The following RAB1A variants were observed in gnomAD, a reference collection of about 807,000 sequenced individuals.
RAB1A encodes the protein RAB1A, member RAS oncogene family, also known as ras-related protein Rab-1A.
In RAB1A, 2 loss-of-function variants were observed where a neutral mutation model predicts 26.0. The observed-to-expected ratio is 0.08, with a 90% CI of 0.03 to 0.24. RAB1A has a LOEUF of 0.24. RAB1A is among the 10% of genes least tolerant of loss of function. The pLI is 1.00. For synonymous variants in RAB1A, 84 were observed against 84.9 expected, an observed-to-expected ratio of 0.99 and a Z score of 0.06; for missense variants, 100 against 247.0, an observed-to-expected ratio of 0.40 and a Z score of 3.99.
chr2:65,106,333 C>T, intron 1 of RAB1A: 1 of 294,802 alleles, frequency 3.4e-6, no homozygotes, highest in South Asian at 2.6e-5. Context: ...CAAAAATATG[C>T]TAAAGTGAAA....
chr2:65,099,100 G>A (rs1669358843), intron 2 of RAB1A, among the ~76,000 whole-genome samples: 1 of 152,124 alleles, frequency 6.6e-6, no homozygotes, highest in South Asian at 2.1e-4. Flanking sequence ...GCCTCTCAAA[G>A]TGCTGGGATT....
chr2:65,114,142 T>C (rs1389411701), intron 1 of RAB1A: 3 of 469,064 alleles, frequency 6.4e-6, no homozygotes, highest in Non-Finnish European at 1.2e-5. Context: ...AAATTCTGGG[T>C]TAAATGAGAA....
intron 3 of RAB1A, among the ~76,000 whole-genome samples, chr2:65,093,647 G>A (rs1268441614): frequency 6.1e-5 from 9 of 147,058 alleles, no homozygotes; most frequent in African/African-American, 1.0e-4. Flanking sequence ...TTTTTCAGAC[G>A]GAGTCTCGCT....
intron 1 of RAB1A, among the ~76,000 whole-genome samples, chr2:65,120,077 T>C (rs1397091749): frequency 3.3e-5 from 5 of 152,018 alleles, no homozygotes; most frequent in Admixed American, 3.3e-4. Flanking sequence ...TTGTTTCAAA[T>C]GGCCTTTTAT....
intron 1 of RAB1A, among the ~76,000 whole-genome samples, chr2:65,127,172 GGAT>G (rs1450953733): frequency 7.0e-6 from 1 of 142,666 alleles, no homozygotes; most frequent in Non-Finnish European, 1.5e-5. Context: ...TCAAAAGAAA[GGAT>G]GATTTGACAC....
intron 1 of RAB1A, among the ~76,000 whole-genome samples, chr2:65,114,928 C>T (rs76149594): frequency 0.023 from 3,460 of 152,174 alleles, 52 homozygotes; most frequent in South Asian, 0.032. Flanking sequence ...AAGGGCTCTG[C>T]CCTCATGAAT....
At chr2:65,127,010 A>G (rs1034634603) in intron 1 of RAB1A, among the ~76,000 whole-genome samples, 12 of 152,196 alleles carry the variant, frequency 7.9e-5, no homozygotes, top group Non-Finnish European at 1.8e-4. Context: ...AGTAATTTTC[A>G]CTAACACTTT....
chr2:65,092,169 A>G (rs1036527664), intron 3 of RAB1A, among the ~76,000 whole-genome samples: 3 of 152,020 alleles, frequency 2.0e-5, no homozygotes, highest in African/African-American at 7.3e-5. Flanking sequence ...GCTACTCGAG[A>G]GGCTGAGGCA....
intron 1 of RAB1A, chr2:65,106,250 A>AG (rs1669555844): frequency 4.9e-6 from 1 of 203,928 alleles, no homozygotes; most frequent in Non-Finnish European, 1.0e-5. Context: ...AAAGGACAAA[A>AG]ACCTTAGAAT....
intron 2 of RAB1A, among the ~76,000 whole-genome samples, chr2:65,103,329 A>C (rs942045342): frequency 6.6e-6 from 1 of 150,430 alleles, no homozygotes; most frequent in African/African-American, 2.5e-5. Context: ...GTTTTATGTG[A>C]ACTTCCCATT....
chr2:65,096,991 C>G (rs1669303904), intron 3 of RAB1A, among the ~76,000 whole-genome samples: 1 of 151,804 alleles, frequency 6.6e-6, no homozygotes, highest in African/African-American at 2.4e-5. Context: ...AGAAAGGAAA[C>G]TGGGTCTCAG....
At chr2:65,112,892 C>T (rs755187008) in intron 1 of RAB1A, among the ~76,000 whole-genome samples, 2 of 152,132 alleles carry the variant, frequency 1.3e-5, no homozygotes, top group Non-Finnish European at 2.9e-5. Context: ...TTTTATTCTA[C>T]TCAGTTTGCA....
chr2:65,105,912 G>A (rs565451970), intron 1 of RAB1A, among the ~76,000 whole-genome samples: 14 of 152,110 alleles, frequency 9.2e-5, no homozygotes, highest in African/African-American at 3.4e-4. Context: ...ATAGGCATGC[G>A]CCACCACGCC....
intron 2 of RAB1A, among the ~76,000 whole-genome samples, chr2:65,103,654 T>C (rs1164388247): frequency 1.3e-5 from 2 of 152,320 alleles, no homozygotes; most frequent in East Asian, 3.9e-4. Context: ...ACTAACATCT[T>C]AGTATTATTA....
At chr2:65,114,609 C>T (rs1233739595) in intron 1 of RAB1A, among the ~76,000 whole-genome samples, 1 of 151,430 alleles carries the variant, frequency 6.6e-6, no homozygotes, top group Admixed American at 6.6e-5. Flanking sequence ...TTTGGGAGGC[C>T]GAGGCGGGTG....
chr2:65,124,737 G>A (rs776425892), intron 1 of RAB1A, among the ~76,000 whole-genome samples: 36 of 152,250 alleles, frequency 2.4e-4, no homozygotes, highest in Non-Finnish European at 3.8e-4. Flanking sequence ...ATGAGCCACT[G>A]TGCCAGGCCT....
chr2:65,088,006 T>C lies in RAB1A; in HGVS notation c.*487A>G, dbSNP rs1452172912. 6.5e-6 allele frequency: 1 copy of C among 153,596 alleles called. No individual in the cohort carries two copies. Among genetic ancestry groups the C allele is most frequent in the Non-Finnish European group, 1.5e-5 (1 of 68,766 alleles). The allele number at this position is 153,596 out of a possible 1,614,324, so 9.5% of individuals were successfully genotyped here. A position where few individuals can be genotyped will look rare whatever the true frequency, so the allele number is the denominator to read the frequency against. On this transcript the variant is annotated 3_prime_UTR_variant, in exon 6 of 6. Coordinates refer to ENST00000409784, the MANE Select transcript of RAB1A (RefSeq NM_004161.5). ...TATGAAGAAACTATTAATCAGATAG[T>C]GTAATCTTTCCATTTATAACTCTAC...
chr2:65,105,774 T>C (rs964677148), intron 1 of RAB1A, among the ~76,000 whole-genome samples: 1 of 152,046 alleles, frequency 6.6e-6, no homozygotes, highest in African/African-American at 2.4e-5. Flanking sequence ...CCAAGCTTTT[T>C]TTTTTTGAGA....
chr2:65,098,530 T>C (rs1669341943), intron 2 of RAB1A, among the ~76,000 whole-genome samples: 1 of 89,210 alleles, frequency 1.1e-5, no homozygotes, highest in Admixed American at 1.2e-4. Flanking sequence ...TTCCTAATTA[T>C]GATTTTTTTT....
Sources: gnomAD v4.1 joint callset for allele counts (sites outside exome capture counted in the v4.1 genomes callset) on GRCh38, gnomAD v4.1.1 for gene constraint, MANE v1.5 for transcripts, NCBI Gene and HGNC (gene_info 2026-07-23, HGNC 2026-07-21) for gene names.